The following SPAG9 variants were observed in gnomAD, a reference collection of about 807,000 sequenced individuals.
SPAG9 encodes sperm associated antigen 9, also known as C-Jun-amino-terminal kinase-interacting protein 4.
In SPAG9, 35 loss-of-function variants were observed where a neutral mutation model predicts 166.5. The ratio of observed to expected loss-of-function variants is 0.21; its 90% CI spans 0.16 to 0.28. SPAG9 has a LOEUF of 0.28. Ranked by LOEUF, SPAG9 falls within the 10% of genes least tolerant of loss-of-function variation. The pLI, the probability that SPAG9 is intolerant of heterozygous loss-of-function variation, is 1.00. For synonymous variants in SPAG9, 534 were observed against 565.5 expected, an observed-to-expected ratio of 0.94 and a Z score of 0.79; for missense variants, 1,235 against 1,603.3, an observed-to-expected ratio of 0.77 and a Z score of 3.92.
intron 22 of SPAG9, among the ~76,000 whole-genome samples, chr17:50,986,077 C>A (rs143927499): frequency 7.1e-4 from 108 of 152,316 alleles, no homozygotes; most frequent in African/African-American, 2.3e-3. Flanking sequence ...TTTTGAATTG[C>A]CTTACCTCTC....
chr17:51,085,782 T>C (rs1336629528), intron 1 of SPAG9, among the ~76,000 whole-genome samples: 1 of 152,144 alleles, frequency 6.6e-6, no homozygotes, highest in Non-Finnish European at 1.5e-5. Flanking sequence ...TAAACTCTTT[T>C]GAGTATATTG....
chr17:51,015,347 T>C (rs1048096835), intron 8 of SPAG9, among the ~76,000 whole-genome samples: 1 of 151,864 alleles, frequency 6.6e-6, no homozygotes, highest in Non-Finnish European at 1.5e-5. Context: ...AAAAAAACTG[T>C]ACAAAAGGCG....
chr17:51,034,073 G>A (rs1232664925), intron 5 of SPAG9, among the ~76,000 whole-genome samples: 2 of 152,050 alleles, frequency 1.3e-5, no homozygotes, highest in Admixed American at 6.6e-5. Flanking sequence ...TCACCTATAG[G>A]TGGTTCCTAA....
rs80249711 is a variant in SPAG9, at chr17:51,080,399, T to C, written c.304-695A>G. The stretch of plus-strand genomic sequence containing the variant: ...CCTTTTCTCCCCAACTTCTTAACAT[T>C]GGCATGCTCCGTCCTTGGACACATC... On this transcript the variant is annotated intron_variant, in intron 1 of 29. Coordinates refer to ENST00000262013, the MANE Select transcript of SPAG9 (RefSeq NM_001130528.3). 2.2e-3 allele frequency among the ~76,000 whole-genome samples: 334 copies of C among 152,180 alleles called. 1 individual carries two copies. The highest frequency in any genetic ancestry group is 3.7e-3 in the Non-Finnish European group (250 of 68,002).
intron 1 of SPAG9, among the ~76,000 whole-genome samples, chr17:51,118,905 G>A (rs1239861722): frequency 2.0e-5 from 3 of 151,944 alleles, no homozygotes; most frequent in Admixed American, 6.6e-5. Context: ...AAAATGAGCG[G>A]GGAGTGTTGT....
intron 1 of SPAG9, among the ~76,000 whole-genome samples, chr17:51,111,602 T>TG (rs951238964): frequency 6.6e-6 from 1 of 152,044 alleles, no homozygotes; most frequent in African/African-American, 2.4e-5. Context: ...GATTTTTTTT[T>TG]GTTTTGTTTT....
chr17:51,021,547 A>G (rs887261349), intron 6 of SPAG9, among the ~76,000 whole-genome samples, 182 bp from the exon 7 acceptor site: 5 of 152,224 alleles, frequency 3.3e-5, no homozygotes, highest in Admixed American at 1.3e-4. Context: ...TAATCGGGAA[A>G]TATTTAAGTA....
intron 12 of SPAG9, among the ~76,000 whole-genome samples, chr17:51,003,532 C>G (rs954228235): frequency 6.6e-6 from 1 of 152,066 alleles, no homozygotes; most frequent in African/African-American, 2.4e-5. Flanking sequence ...CGCTAAAATA[C>G]CAACATAAAT....
At chr17:51,014,491 G>A (rs948247229) in intron 8 of SPAG9, 138 bp from the exon 9 acceptor site, 2 of 672,910 alleles carry the variant, frequency 3.0e-6, no homozygotes, top group Admixed American at 6.8e-5. Context: ...AACTTAAAAA[G>A]ATTTCTCAAA....
At chr17:51,118,961 C>G (rs1208757989) in intron 1 of SPAG9, among the ~76,000 whole-genome samples, 3 of 145,550 alleles carry the variant, frequency 2.1e-5, no homozygotes, top group Non-Finnish European at 4.5e-5. Context: ...TTGAACCCGG[C>G]AGGCAGAGGT....
intron 1 of SPAG9, among the ~76,000 whole-genome samples, chr17:51,106,841 C>A (rs1354959326): frequency 6.6e-6 from 1 of 151,678 alleles, no homozygotes; most frequent in Admixed American, 6.6e-5. Flanking sequence ...CAGTGGCTCA[C>A]GCCTGTAATC....
At chr17:51,030,455 A>C (rs1479807889) in intron 6 of SPAG9, among the ~76,000 whole-genome samples, 1 of 152,200 alleles carries the variant, frequency 6.6e-6, no homozygotes, top group Non-Finnish European at 1.5e-5. Flanking sequence ...CTCACTATTA[A>C]CACAAATATA....
At chr17:51,041,304 T>C (rs980224195) in intron 5 of SPAG9, among the ~76,000 whole-genome samples, 197 bp downstream of exon 5, 1 of 152,204 alleles carries the variant, frequency 6.6e-6, no homozygotes, top group African/African-American at 2.4e-5. Context: ...TCACTTTTTT[T>C]CCTATATAAT....
chr17:51,040,366 C>T (rs1247262306), intron 5 of SPAG9: 2 of 151,954 alleles, frequency 1.3e-5, no homozygotes, highest in Non-Finnish European at 2.9e-5. Flanking sequence ...GTAAGGTAAC[C>T]CCTATTGTTA....
chr17:50,987,976 G>A (rs574978071), intron 21 of SPAG9, among the ~76,000 whole-genome samples: 1 of 152,334 alleles, frequency 6.6e-6, no homozygotes, highest in East Asian at 1.9e-4. Context: ...AGCACTTTGG[G>A]AGGGTGAGGT....
chr17:51,034,611 T>C (rs1454201264), intron 5 of SPAG9, among the ~76,000 whole-genome samples: 2 of 152,088 alleles, frequency 1.3e-5, no homozygotes, highest in East Asian at 3.8e-4. Context: ...GAATTCAAAC[T>C]GGACTGGAGG....
chr17:50,979,706 C>T, intron 26 of SPAG9, 40 bp downstream of exon 26: 1 of 1,574,656 alleles, frequency 6.4e-7, no homozygotes, highest in South Asian at 1.1e-5. Flanking sequence ...AATAAAACAC[C>T]CTCTTTGACT....
At chr17:51,015,421 A>G (rs1475172293) in intron 8 of SPAG9, among the ~76,000 whole-genome samples, 2 of 152,184 alleles carry the variant, frequency 1.3e-5, no homozygotes, top group East Asian at 3.8e-4. Context: ...ACAGCTCCCT[A>G]ATAATGGAAG....
At chr17:50,987,895 T>C (rs1048747096) in intron 21 of SPAG9, among the ~76,000 whole-genome samples, 1 of 152,236 alleles carries the variant, frequency 6.6e-6, no homozygotes, top group Admixed American at 6.5e-5. Flanking sequence ...AACCAGGCTA[T>C]CAAATTCAAA....
Sources: gnomAD v4.1 joint callset for allele counts (sites outside exome capture counted in the v4.1 genomes callset) on GRCh38, gnomAD v4.1.1 for gene constraint, MANE v1.5 for transcripts, NCBI Gene and HGNC (gene_info 2026-07-23, HGNC 2026-07-21) for gene names.